DYTN: variants seen among roughly 807,000 people sequenced by gnomAD.
DYTN encodes the protein dystrotelin.
DYTN carries 75 observed loss-of-function variants against 69.6 expected under a neutral mutation model. The observed-to-expected ratio is 1.08, with a 90% CI of 0.89 to 1.31. The LOEUF is 1.31. Ranked by LOEUF, DYTN falls within the 50% of genes most tolerant of loss-of-function variation. The probability of loss-of-function intolerance (pLI) is 0.00; values close to 1 mark genes in which losing one functional copy is unlikely to be tolerated. For synonymous variants in DYTN, 252 were observed against 249.1 expected (o/e 1.01, Z -0.11); for missense variants, 726 against 688.4 (o/e 1.05, Z -0.61).
Position 206,665,961 on chromosome 2 carries a change from C to A in DYTN, c.1049G>T (p.Arg350Ile). 1 of 1,613,862 alleles carries A rather than the reference C, an allele frequency of 6.2e-7. No homozygotes were observed. Among genetic ancestry groups the A allele is most frequent in the Non-Finnish European group, 8.5e-7 (1 of 1,179,842 alleles). The change falls in exon 10 of 12, where the codon AGA (arginine) becomes ATA (isoleucine). Residue 350 changes from arginine to isoleucine, a missense_variant. Physicochemically the swap from Arg to Ile is moderately conservative, Grantham distance 97. Transcript: ENST00000452335. ...LQAIYTSQEE[R>I]ICRFETRIHK... ...AATCCTTGTTTCAAATCGACAAATT[C>A]TTTCTTCCTGGGAGGTGTATATAGC... is the stretch of plus-strand genomic sequence containing the variant.
chr2:206,694,922 GAA>G (rs71410896), intron 7 of DYTN, 45 bp from the exon 8 acceptor site: 8,725 of 700,862 alleles, frequency 0.012, no homozygotes, highest in South Asian at 0.016. Flanking sequence ...TAGTAGATGA[GAA>G]AAAAAAAAAA....
intron 9 of DYTN, among the ~76,000 whole-genome samples, chr2:206,675,250 C>CAT (rs954003636): frequency 8.5e-5 from 12 of 140,994 alleles, no homozygotes; most frequent in Admixed American, 3.6e-4. Context: ...TGTAAATAAA[C>CAT]ATATATATGT....
chr2:206,691,016 G>A (rs965976952), intron 9 of DYTN, among the ~76,000 whole-genome samples: 1 of 152,168 alleles, frequency 6.6e-6, no homozygotes, highest in African/African-American at 2.4e-5. Context: ...TTTAAGGAAG[G>A]CATAAGGATT....
Position 206,658,970 on chromosome 2 carries a change from G to A in DYTN, c.1633+3933C>T, listed in dbSNP as rs1574585447. ...TGGAAAAAAATAGTTGAATAATACAGTAAAACAAGAGGACTTTTTTTTTTT... is the reference window on the plus strand; with the variant it reads ...TGGAAAAAAATAGTTGAATAATACAATAAAACAAGAGGACTTTTTTTTTTT... On this transcript the variant is annotated intron_variant, in intron 11 of 11. Transcript: ENST00000452335. Among the ~76,000 whole-genome samples, 10 of 135,936 alleles carry A rather than the reference G, an allele frequency of 7.4e-5. No individual in the cohort carries two copies. The South Asian group carries it at 2.6e-3, about 35-fold the overall frequency. 89.2% of individuals were successfully genotyped at this position (135,936 alleles called of 152,430 possible).
intron 9 of DYTN, among the ~76,000 whole-genome samples, chr2:206,671,853 T>C (rs1699633009): frequency 6.6e-6 from 1 of 152,338 alleles, no homozygotes; most frequent in South Asian, 2.1e-4. Flanking sequence ...ATAGACACTA[T>C]GGTTTATTTA....
At chr2:206,686,970 C>A in intron 9 of DYTN, 1 of 156,462 alleles carries the variant, frequency 6.4e-6, no homozygotes, top group Middle Eastern at 2.6e-3. Flanking sequence ...ATGGTAAATT[C>A]ACCGGCCTTT....
chr2:206,712,258 CG>C (rs994397312), intron 1 of DYTN, among the ~76,000 whole-genome samples: 6 of 152,058 alleles, frequency 3.9e-5, no homozygotes, highest in Admixed American at 3.9e-4. Context: ...TAGCAGGCCC[CG>C]GGGGTAAATC....
intron 7 of DYTN, among the ~76,000 whole-genome samples, chr2:206,695,672 A>G (rs895999607): frequency 6.6e-6 from 1 of 152,188 alleles, no homozygotes; most frequent in Non-Finnish European, 1.5e-5. Flanking sequence ...ACTTTTAAGG[A>G]TATTTGAGTG....
chr2:206,713,386 C>G (rs900745988), intron 1 of DYTN, among the ~76,000 whole-genome samples: 1 of 152,122 alleles, frequency 6.6e-6, no homozygotes, highest in Admixed American at 6.5e-5. Flanking sequence ...GGTAAGTTTT[C>G]TGCCACAATC....
intron 1 of DYTN, among the ~76,000 whole-genome samples, chr2:206,713,725 G>A (rs1156895545): frequency 6.6e-6 from 1 of 152,174 alleles, no homozygotes; most frequent in Non-Finnish European, 1.5e-5. Context: ...TGTTTCCGGT[G>A]ATAACAAATT....
intron 9 of DYTN, among the ~76,000 whole-genome samples, chr2:206,686,223 A>T (rs191499314): frequency 4.4e-4 from 67 of 152,290 alleles, no homozygotes; most frequent in Non-Finnish European, 7.5e-4. Context: ...TTTTTGGTAC[A>T]AGAACAGGTA....
At chr2:206,683,339 C>CTTTTTTTTTTTTT (rs10531348) in intron 9 of DYTN, among the ~76,000 whole-genome samples, 35 of 111,940 alleles carry the variant, frequency 3.1e-4, no homozygotes, top group East Asian at 8.2e-4. Flanking sequence ...TTTACTTTTT[C>CTTTTTTTTTTTTT]TTTTTTTTTT....
chr2:206,693,458 C>G (rs1227202620), intron 8 of DYTN, 135 bp from the exon 9 acceptor site: 23 of 1,159,390 alleles, frequency 2.0e-5, no homozygotes, highest in Non-Finnish European at 2.3e-5. Flanking sequence ...ATAATCTTAC[C>G]TCCTTCTTGT....
rs1421327018 is a variant in DYTN at position 206,699,877 on chromosome 2, G to T, written c.569C>A (p.Ala190Glu). 1 of 1,613,100 alleles carries T rather than the reference G, an allele frequency of 6.2e-7. No individual in the cohort carries two copies. The highest frequency in any genetic ancestry group is 2.2e-5 in the East Asian group (1 of 44,852). The change falls in exon 7 of 12, where the codon GCA becomes GAA. Residue 190 changes from alanine to glutamate, a missense_variant. By Grantham distance (107) the Ala-to-Glu change is moderately radical. Transcript: ENST00000452335. ...AGACAGGAATTTTTCTTCTTTGATT[G>T]CTGGGCTCAACACCTGAAAAACAAT... ...RSCFQGVLSPAIKEEKFLSWV... is the reference protein window; with the variant it reads ...RSCFQGVLSPEIKEEKFLSWV...
intron 7 of DYTN, among the ~76,000 whole-genome samples, chr2:206,698,554 G>A (rs1026752000): frequency 1.3e-5 from 2 of 152,150 alleles, no homozygotes; most frequent in East Asian, 3.8e-4. Context: ...CACATCCCCA[G>A]CCCCTGTTCA....
Position 206,663,414 on chromosome 2 carries a change from A to T in DYTN, c.1141-19T>A. 6.5e-7 allele frequency: 1 copy of T among 1,545,380 alleles called. No homozygotes were observed. The highest frequency in any genetic ancestry group is 8.7e-7 in the Non-Finnish European group (1 of 1,150,196). On this transcript the variant is annotated intron_variant, in intron 10 of 11. Transcript: ENST00000452335. ...ACCTTGCCTGGGGAAACAAAACTTT[A>T]TTTATGAAGAAATTAATGTTTATCT...
At chr2:206,679,939 C>T (rs372791871) in intron 9 of DYTN, among the ~76,000 whole-genome samples, 28 of 152,246 alleles carry the variant, frequency 1.8e-4, no homozygotes, top group African/African-American at 6.5e-4. Flanking sequence ...TTCATTTGCT[C>T]AGGATGCTAT....
intron 5 of DYTN, among the ~76,000 whole-genome samples, chr2:206,704,433 A>G (rs1700005400): frequency 6.6e-6 from 1 of 152,198 alleles, no homozygotes. Flanking sequence ...TATGGGGTGT[A>G]AGGAAAAATT....
chr2:206,680,672 T>A (rs912129411), intron 9 of DYTN, among the ~76,000 whole-genome samples: 13 of 152,206 alleles, frequency 8.5e-5, no homozygotes, highest in African/African-American at 1.7e-4. Flanking sequence ...TGTTTCTGGC[T>A]TATTGTCCTG....
Sources: allele counts gnomAD v4.1 joint callset (sites outside exome capture counted in the v4.1 genomes callset), GRCh38; gene constraint gnomAD v4.1.1; transcripts MANE v1.5; gene names NCBI Gene and HGNC (gene_info 2026-07-23, HGNC 2026-07-21).